Variants in WWC2 observed in about 807,000 individuals in gnomAD.
WWC2 encodes protein WWC2.
A neutral mutation model predicts 138.5 loss-of-function variants in WWC2; 101 were observed. That is an observed-to-expected ratio of 0.73 (90% confidence interval 0.62 to 0.86). WWC2 has a LOEUF of 0.86. Ranked by LOEUF, WWC2 falls within the 40% of genes least tolerant of loss-of-function variation. WWC2 has a pLI of 0.00. For missense variants in WWC2, 1,420 were observed against 1,419.4 expected, an observed-to-expected ratio of 1.00 and a Z score of -0.01; for synonymous variants, 558 against 538.4, an observed-to-expected ratio of 1.04 and a Z score of -0.50.
intron 22 of WWC2, 93 bp downstream of exon 22, chr4:183,312,561 G>T (rs1175754553): frequency 1.9e-6 from 3 of 1,555,940 alleles, no homozygotes; most frequent in African/African-American, 2.7e-5. Context: ...TTAATATGAG[G>T]ATCCGAGACA....
Position 183,256,814 on chromosome 4 carries a change from C to T in WWC2, c.1196+2815C>T, listed in dbSNP as rs141858872. Among the ~76,000 whole-genome samples, 331 of 148,720 alleles carry T rather than the reference C, an allele frequency of 2.2e-3. 2 individuals are homozygous for T. The highest frequency in any genetic ancestry group is 7.9e-3 in the African/African-American group (314 of 39,860). ...GGTGACCTCTGGCAAGATTCCGAGTCATTGCTGAACGTTGGTGTCTGAAGG... is the reference window on the plus strand; with the variant it reads ...GGTGACCTCTGGCAAGATTCCGAGTTATTGCTGAACGTTGGTGTCTGAAGG... On this transcript the variant is annotated intron_variant, in intron 9 of 22. Transcript: ENST00000403733.
At chr4:183,190,288 G>A (rs996697727) in intron 1 of WWC2, among the ~76,000 whole-genome samples, 1 of 152,152 alleles carries the variant, frequency 6.6e-6, no homozygotes, top group Non-Finnish European at 1.5e-5. Context: ...TGCACAACAA[G>A]AGGAAGAAAT....
At position 183,253,955 on chromosome 4, in the gene WWC2, G is replaced by A; in HGVS notation, c.1152G>A (p.Glu384=). ...LEAERQRLEE[E]LLSVRGTPSR... The stretch of plus-strand genomic sequence containing the variant: ...CTGAAAGGCAGCGGCTGGAAGAAGA[G>A]TTGCTGTCTGTGAGGGGAACACCAA... The change falls in exon 9 of 23, where the codon GAG becomes GAA. Residue 384 remains glutamate (E), a synonymous_variant. Transcript: ENST00000403733. The A allele has an allele frequency of 6.2e-7, 1 of 1,613,892 alleles. No individual in the cohort carries two copies. The highest frequency in any genetic ancestry group is 8.5e-7 in the Non-Finnish European group (1 of 1,179,844).
At chr4:183,148,089 G>A (rs776402712) in intron 1 of WWC2, among the ~76,000 whole-genome samples, 3 of 152,116 alleles carry the variant, frequency 2.0e-5, no homozygotes, top group Non-Finnish European at 1.5e-5. Flanking sequence ...TTTACCTCCC[G>A]AGTACAAAAG....
chr4:183,295,183 G>A (rs995806212), intron 21 of WWC2, among the ~76,000 whole-genome samples: 13 of 152,150 alleles, frequency 8.5e-5, no homozygotes, highest in Non-Finnish European at 1.5e-5. Flanking sequence ...GAACTCCTAT[G>A]CTCCTTCAGC....
At chr4:183,164,276 A>G (rs1257425988) in intron 1 of WWC2, among the ~76,000 whole-genome samples, 12 of 424 alleles carry the variant, frequency 0.028, no homozygotes, top group Non-Finnish European at 0.062. Context: ...ATATATATAT[A>G]TATATATATA....
chr4:183,224,961 T>A (rs1736031478), intron 4 of WWC2, among the ~76,000 whole-genome samples: 1 of 152,224 alleles, frequency 6.6e-6, no homozygotes, highest in Middle Eastern at 3.2e-3. Context: ...ATCCACAACT[T>A]TTCCTATCTT....
At chr4:183,260,861 G>C in intron 10 of WWC2, 49 bp from the exon 11 acceptor site, 1 of 1,593,882 alleles carries the variant, frequency 6.3e-7, no homozygotes, top group Non-Finnish European at 8.5e-7. Context: ...TTGTGATTAG[G>C]TTTTCCATTT....
At chr4:183,271,311 A>G in intron 16 of WWC2, 70 bp downstream of exon 16, 2 of 1,272,670 alleles carry the variant, frequency 1.6e-6, no homozygotes, top group Non-Finnish European at 1.0e-6. Context: ...TATGAAAGTA[A>G]TATGAAATAT....
At chr4:183,175,260 TTTTTTG>T (rs956542673) in intron 1 of WWC2, among the ~76,000 whole-genome samples, 14 of 152,236 alleles carry the variant, frequency 9.2e-5, no homozygotes, top group African/African-American at 2.2e-4. Context: ...ATTTATTTAT[TTTTTTG>T]TTTTTGTTTT....
intron 4 of WWC2, among the ~76,000 whole-genome samples, chr4:183,220,587 C>T (rs2111263285): frequency 6.6e-6 from 1 of 150,630 alleles, no homozygotes; most frequent in Admixed American, 6.6e-5. Context: ...GTAATTCCAG[C>T]ACTTTGGGAG....
At chr4:183,162,004 G>A (rs1022928778) in intron 1 of WWC2, among the ~76,000 whole-genome samples, 1 of 152,190 alleles carries the variant, frequency 6.6e-6, no homozygotes, top group African/African-American at 2.4e-5. Flanking sequence ...CAGGGGAAGT[G>A]ATGCTACCAA....
chr4:183,283,480 G>A (rs1738146252), intron 18 of WWC2, among the ~76,000 whole-genome samples: 1 of 152,206 alleles, frequency 6.6e-6, no homozygotes, highest in African/African-American at 2.4e-5. Context: ...TGGTAGTAGA[G>A]TTTAGAAAAT....
rs899331607 is a variant in WWC2 at position 183,268,970 on chromosome 4, G to A, written c.2208-1G>A. On this transcript the variant is annotated splice_acceptor_variant, in intron 14 of 22. Transcript: ENST00000403733. LOFTEE classifies it high-confidence loss of function. ...ATCCATTTTATTCTTGTTCTTTGCA[G>A]ATATTTTAGGGTTGCCGTTCTTCCT... 2.5e-6 allele frequency: 4 copies of A among 1,608,590 alleles called. No individual in the cohort carries two copies. The African/African-American group carries it at 5.4e-5, about 22-fold the overall frequency.
rs139592147 is a variant in WWC2 at position 183,134,215 on chromosome 4, T to C, written c.131+34593T>C. The stretch of plus-strand genomic sequence containing the variant: ...TTTATTATTCTTTCAAAGAACTAAG[T>C]TTTGACACTGACATTGTTCATCTTT... On this transcript the variant is annotated intron_variant, in intron 1 of 22. Coordinates refer to ENST00000403733, the MANE Select transcript of WWC2 (RefSeq NM_024949.6). 5.1e-3 allele frequency among the ~76,000 whole-genome samples: 776 copies of C among 152,252 alleles called. 5 individuals carry two copies. Among genetic ancestry groups the C allele is most frequent in the African/African-American group, 0.018 (746 of 41,572 alleles).
Position 183,269,094 on chromosome 4 carries a change from A to G in WWC2, c.2331A>G (p.Thr777=). Residue 777 remains threonine, a synonymous_variant, in exon 15 of 23, where the codon ACA becomes ACG. Transcript: ENST00000403733. The part of the protein sequence containing the change: ...NDVFRVAISQ[T]ALQQKTLRVD... ...TGTTCAGAGTCGCCATTTCCCAAAC[A>G]GCCTTACAACAGAAGACACTGAGGG... is the stretch of plus-strand genomic sequence containing the variant. 6.2e-7 allele frequency: 1 copy of G among 1,613,970 alleles called. No homozygotes were observed. The highest frequency in any genetic ancestry group is 8.5e-7 in the Non-Finnish European group (1 of 1,179,880).
chr4:183,206,895 G>A (rs6812557), intron 2 of WWC2, among the ~76,000 whole-genome samples: 4,273 of 152,264 alleles, frequency 0.028, 207 homozygotes, highest in African/African-American at 0.095. Context: ...AAATGTTTAG[G>A]GTAATCTGAT....
intron 4 of WWC2, among the ~76,000 whole-genome samples, chr4:183,232,060 C>T (rs1189049029): frequency 6.6e-6 from 1 of 152,108 alleles, no homozygotes; most frequent in African/African-American, 2.4e-5. Context: ...AAGAGCGTGT[C>T]GGCCTGACAC....
At chr4:183,104,610 G>A (rs1743292756) in intron 1 of WWC2, among the ~76,000 whole-genome samples, 1 of 152,148 alleles carries the variant, frequency 6.6e-6, no homozygotes, top group Non-Finnish European at 1.5e-5. Flanking sequence ...GTGCCAAGTG[G>A]TTACTGTGAA....
Sources: gnomAD v4.1 joint callset for allele counts (sites outside exome capture counted in the v4.1 genomes callset) on GRCh38, gnomAD v4.1.1 for gene constraint, MANE v1.5 for transcripts, NCBI Gene and HGNC (gene_info 2026-07-23, HGNC 2026-07-21) for gene names.